NEK4: variants seen among roughly 807,000 people sequenced by gnomAD.
The protein encoded by NEK4 is serine/threonine-protein kinase Nek4.
A neutral mutation model predicts 98.4 loss-of-function variants in NEK4; 86 were observed. The observed-to-expected ratio is 0.87, with a 90% CI of 0.73 to 1.05. The LOEUF is 1.05. NEK4 is among the 50% of genes least tolerant of loss of function. NEK4 has a pLI of 0.00. For synonymous variants in NEK4, 328 were observed against 342.2 expected, an observed-to-expected ratio of 0.96 and a Z score of 0.46; for missense variants, 898 against 950.3, an observed-to-expected ratio of 0.94 and a Z score of 0.72.
Position 52,763,505 on chromosome 3 carries a change from C to T in NEK4, c.786G>A (p.Lys262=). Residue 262 remains lysine, a synonymous_variant, in exon 5 of 16, where the codon AAG becomes AAA. Coordinates refer to ENST00000233027, the MANE Select transcript of NEK4 (RefSeq NM_003157.6). ...CCTCCAAAAAGAAGGAGATTTGCCG[C>T]TTTATATAAGGCTGCCTCAGGATGC... is the stretch of plus-strand genomic sequence containing the variant. ...VRSILRQPYI[K]RQISFFLEAT... is the part of the protein sequence containing the mutation. 6.2e-7 allele frequency: 1 copy of T among 1,613,704 alleles called. No homozygotes were observed. The highest frequency in any genetic ancestry group is 8.5e-7 in the Non-Finnish European group (1 of 1,179,782).
Position 52,766,328 on chromosome 3 carries a change from A to AT in NEK4, c.407dup (p.Asn136LysfsTer26). 6.2e-7 allele frequency: 1 copy of AT among 1,614,124 alleles called. No individual in the cohort carries two copies. The highest frequency in any genetic ancestry group is 2.2e-5 in the East Asian group (1 of 44,880). ...TGATGTTTGTTCTTGTTAGGAAGACATTTTGAGTTTTCAGATCTCGATGAA... is the reference window on the plus strand; with the variant it reads ...TGATGTTTGTTCTTGTTAGGAAGACATTTTTGAGTTTTCAGATCTCGATGAA... On this transcript the variant is annotated frameshift_variant, in exon 3 of 16. Transcript: ENST00000233027. LOFTEE classifies it high-confidence loss of function.
chr3:52,720,601 G>C (rs2097359231), intron 15 of NEK4, among the ~76,000 whole-genome samples: 1 of 152,212 alleles, frequency 6.6e-6, no homozygotes, highest in South Asian at 2.1e-4. Context: ...ATGGAGGCTA[G>C]AAGGCAGAAG....
chr3:52,764,621 ACT>A (rs1698481681), intron 4 of NEK4, among the ~76,000 whole-genome samples: 1 of 151,400 alleles, frequency 6.6e-6, no homozygotes. Flanking sequence ...ACAGAGTGAG[ACT>A]CTGTCTCAAA....
Position 52,760,842 on chromosome 3 carries a change from T to C in NEK4, c.916A>G (p.Ile306Val), listed in dbSNP as rs1333961597. The C allele has an allele frequency of 1.2e-6, 2 of 1,610,624 alleles. No homozygotes were observed. Among genetic ancestry groups the C allele is most frequent in the South Asian group, 1.1e-5 (1 of 90,902 alleles). ...TCAGAAGAGAGTGGTTGGGGGTGGA[T>C]TACTTCATGATTTGATTCTGCCTCT... ...SGEAESNHEV[I>V]HPQPLSSEGS... Residue 306 changes from isoleucine (I) to valine (V), a missense_variant, in exon 6 of 16, where the codon ATC becomes GTC. Ile to Val is a conservative substitution (Grantham distance 29). Coordinates refer to ENST00000233027, the MANE Select transcript of NEK4 (RefSeq NM_003157.6).
At position 52,752,096 on chromosome 3, in the gene NEK4, T is replaced by C. The variant is rs2097406193; in HGVS notation, c.1204A>G (p.Ser402Gly). 1.2e-6 allele frequency: 2 copies of C among 1,614,272 alleles called. No individual in the cohort carries two copies. The highest frequency in any genetic ancestry group is 1.7e-6 in the Non-Finnish European group (2 of 1,180,058). The change falls in exon 7 of 16, where the codon AGT becomes GGT. Residue 402 changes from serine to glycine, a missense_variant. Coordinates refer to ENST00000233027, the MANE Select transcript of NEK4 (RefSeq NM_003157.6). ...ATCTCCTCTTCCACTTGAGAAATAC[T>C]GCATATACCTCCTAACTCATTAGAG... ...DASNELGGICSISQVEEEMLQ... is the reference protein window; with the variant it reads ...DASNELGGICGISQVEEEMLQ...
In NEK4 at chr3:52,770,651, G is replaced by A. The variant is rs1029278358; in HGVS notation, c.93+3C>T. The A allele has an allele frequency of 2.0e-6, 3 of 1,538,280 alleles. No homozygotes were observed. The highest frequency in any genetic ancestry group is 2.6e-6 in the Non-Finnish European group (3 of 1,136,506). ...CCCCTTGCCGGGCCCCACCCCTGCA[G>A]ACCTGCTTGCCGTCCCGCCGGTGCT... On this transcript the variant is annotated splice_donor_region_variant and intron_variant, in intron 1 of 15. Coordinates refer to ENST00000233027, the MANE Select transcript of NEK4 (RefSeq NM_003157.6).
At chr3:52,736,158 T>C (rs1295758974) in intron 15 of NEK4, among the ~76,000 whole-genome samples, 2 of 152,228 alleles carry the variant, frequency 1.3e-5, no homozygotes, top group Non-Finnish European at 2.9e-5. Context: ...TCTGTCCTGT[T>C]TTTTCCCAGG....
At chr3:52,724,491 T>C (rs991307092) in intron 15 of NEK4, among the ~76,000 whole-genome samples, 1 of 152,192 alleles carries the variant, frequency 6.6e-6, no homozygotes, top group African/African-American at 2.4e-5. Flanking sequence ...CATTTCCAGA[T>C]AAATCTGATT....
At chr3:52,714,972 G>A (rs1324130629) in intron 15 of NEK4, among the ~76,000 whole-genome samples, 1 of 152,242 alleles carries the variant, frequency 6.6e-6, no homozygotes, top group Non-Finnish European at 1.5e-5. Flanking sequence ...GAGGGGGAGT[G>A]GAGGGCAGCT....
At chr3:52,764,762 G>GCA (rs556026011) in intron 4 of NEK4, among the ~76,000 whole-genome samples, 1,994 of 122,754 alleles carry the variant, frequency 0.016, 60 homozygotes, top group African/African-American at 0.069. Flanking sequence ...GCGTGCGCAT[G>GCA]CACACACACA....
rs569776946 is a variant in NEK4, at chr3:52,748,084, C to T, written c.1507-1180G>A. Among the ~76,000 whole-genome samples the T allele has an allele frequency of 2.0e-3, 301 of 151,852 alleles. 4 individuals are homozygous for T. The highest frequency in any genetic ancestry group is 5.4e-3 in the East Asian group (28 of 5,170). On this transcript the variant is annotated intron_variant, in intron 8 of 15. Coordinates refer to ENST00000233027, the MANE Select transcript of NEK4 (RefSeq NM_003157.6). ...ACGCCATTCTCCTGCCTCAGCCTCC[C>T]GAGTAGCTGGGACTACAGGTGGCCG...
rs988869241 is a variant in NEK4 at position 52,711,120 on chromosome 3, T to C, written c.*657A>G. The C allele has an allele frequency of 1.3e-5, 2 of 152,638 alleles. No homozygotes were observed. The highest frequency in any genetic ancestry group is 4.8e-5 in the African/African-American group (2 of 41,468). The allele number at this position is 152,638 out of a possible 1,614,324, so 9.5% of individuals were successfully genotyped here. On this transcript the variant is annotated 3_prime_UTR_variant, in exon 16 of 16. Transcript: ENST00000233027. ...AAAAATAAATCTAACAAAACCATTATGTAAAAACATACTGATTTACAAAGC... is the reference window on the plus strand; with the variant it reads ...AAAAATAAATCTAACAAAACCATTACGTAAAAACATACTGATTTACAAAGC...
At chr3:52,716,920 C>G (rs1226515278) in intron 15 of NEK4, among the ~76,000 whole-genome samples, 1 of 152,216 alleles carries the variant, frequency 6.6e-6, no homozygotes, top group East Asian at 1.9e-4. Context: ...AGAACACAGG[C>G]CTTTGTTTCC....
At chr3:52,718,472 CAAA>C (rs35974184) in intron 15 of NEK4, among the ~76,000 whole-genome samples, 94 of 92,392 alleles carry the variant, frequency 1.0e-3, no homozygotes, top group African/African-American at 1.4e-3. Context: ...GACTCCGTCT[CAAA>C]AAAAAAAAAA....
At chr3:52,735,193 T>C (rs1019378770) in intron 15 of NEK4, among the ~76,000 whole-genome samples, 12 of 152,232 alleles carry the variant, frequency 7.9e-5, no homozygotes, top group South Asian at 2.1e-4. Context: ...TCAAATGAGA[T>C]AGATACTAAG....
At chr3:52,744,364 C>A in intron 10 of NEK4, 59 bp from the exon 11 acceptor site, 3 of 1,234,308 alleles carry the variant, frequency 2.4e-6, no homozygotes, top group Non-Finnish European at 2.4e-6. Context: ...ATAACACCTA[C>A]AATCCATGAT....
Position 52,746,729 on chromosome 3 carries a change from C to CT in NEK4, c.1677+4dup, listed in dbSNP as rs1282304953. 6.3e-7 allele frequency: 1 copy of CT among 1,592,982 alleles called. No individual in the cohort carries two copies. Among genetic ancestry groups the CT allele is most frequent in the African/African-American group, 1.3e-5 (1 of 74,292 alleles). ...CACCTCCCAAACCAAAGCAAAATGA[C>CT]TTACAGCAAAGAGATCTCTGCGGAC... On this transcript the variant is annotated splice_donor_region_variant and intron_variant, in intron 9 of 15. Coordinates refer to ENST00000233027, the MANE Select transcript of NEK4 (RefSeq NM_003157.6).
intron 12 of NEK4, 141 bp from the exon 13 acceptor site, chr3:52,741,640 T>C: frequency 1.9e-6 from 1 of 521,572 alleles, no homozygotes; most frequent in Non-Finnish European, 3.4e-6. Context: ...ATACAAAAAT[T>C]GTTCCCATAT....
At chr3:52,734,666 CAAAA>C (rs59075830) in intron 15 of NEK4, 23 of 71,390 alleles carry the variant, frequency 3.2e-4, no homozygotes, top group South Asian at 9.9e-4. Context: ...GACTCCGTCT[CAAAA>C]AAAAAAAAAA....
Sources: allele counts gnomAD v4.1 joint callset (sites outside exome capture counted in the v4.1 genomes callset), GRCh38; gene constraint gnomAD v4.1.1; transcripts MANE v1.5; gene names NCBI Gene and HGNC (gene_info 2026-07-23, HGNC 2026-07-21).